The following GRM3 variants were observed in gnomAD, a reference collection of about 807,000 sequenced individuals.
GRM3 encodes metabotropic glutamate receptor 3.
A neutral mutation model predicts 70.5 loss-of-function variants in GRM3; 26 were observed. That is an observed-to-expected ratio of 0.37 (90% CI 0.27 to 0.51). The LOEUF (loss-of-function observed/expected upper bound fraction) is 0.51. GRM3 is among the 20% of genes least tolerant of loss of function. The pLI, the probability that GRM3 is intolerant of heterozygous loss-of-function variation, is 0.93. For synonymous variants in GRM3, 443 were observed against 434.9 expected, an observed-to-expected ratio of 1.02 and a Z score of -0.23; for missense variants, 859 against 1,123.8, an observed-to-expected ratio of 0.76 and a Z score of 3.37.
chr7:86,842,942 A>C (rs937492121), intron 4 of GRM3, among the ~76,000 whole-genome samples: 1 of 152,148 alleles, frequency 6.6e-6, no homozygotes, highest in Non-Finnish European at 1.5e-5. Flanking sequence ...CAACTAAGGT[A>C]TTTAGAGAAT....
chr7:86,680,904 C>T (rs1447359073), intron 1 of GRM3, among the ~76,000 whole-genome samples: 1 of 152,102 alleles, frequency 6.6e-6, no homozygotes, highest in Non-Finnish European at 1.5e-5. Context: ...TGTACCATTC[C>T]CCTTGGCAGC....
chr7:86,847,598 G>A (rs1345315575), intron 4 of GRM3, among the ~76,000 whole-genome samples: 1 of 151,974 alleles, frequency 6.6e-6, no homozygotes, highest in East Asian at 1.9e-4. Context: ...CTAAGCTCTG[G>A]GGAACTCCAG....
rs191207399 is a variant in GRM3 at position 86,736,720 on chromosome 7, C to T, written c.-140-28286C>T. Among the ~76,000 whole-genome samples, 254 of 152,200 alleles carry T rather than the reference C, an allele frequency of 1.7e-3. 2 individuals are homozygous for T. Among genetic ancestry groups the T allele is most frequent in the African/African-American group, 5.3e-3 (222 of 41,536 alleles). ...GGGAAGGTTTACATGAGACATATTC[C>T]GCTCATATCCCACTGGTAGAATCAG... is the stretch of plus-strand genomic sequence containing the variant. On this transcript the variant is annotated intron_variant, in intron 1 of 5. Coordinates refer to ENST00000361669, the MANE Select transcript of GRM3 (RefSeq NM_000840.3).
chr7:86,689,036 T>G, intron 1 of GRM3, among the ~76,000 whole-genome samples: 1 of 149,960 alleles, frequency 6.7e-6, no homozygotes, highest in South Asian at 2.1e-4. Context: ...AGGAAATAAT[T>G]CTGAGTCATT....
intron 1 of GRM3, among the ~76,000 whole-genome samples, chr7:86,688,814 T>C (rs1198413822): frequency 2.1e-5 from 3 of 145,640 alleles, no homozygotes; most frequent in Non-Finnish European, 4.5e-5. Flanking sequence ...CTCACACATA[T>C]GATATATATA....
At chr7:86,738,407 G>A (rs1584204395) in intron 1 of GRM3, among the ~76,000 whole-genome samples, 1 of 152,276 alleles carries the variant, frequency 6.6e-6, no homozygotes, top group African/African-American at 2.4e-5. Flanking sequence ...TGGAGGATGT[G>A]AGATACAAAG....
intron 1 of GRM3, among the ~76,000 whole-genome samples, chr7:86,714,428 T>A (rs558982057): frequency 4.2e-3 from 643 of 151,964 alleles, no homozygotes; most frequent in Non-Finnish European, 6.9e-3. Flanking sequence ...TTGTCCACAA[T>A]GAGAAAAATG....
At chr7:86,768,044 A>G (rs1015701927) in intron 2 of GRM3, among the ~76,000 whole-genome samples, 1 of 152,130 alleles carries the variant, frequency 6.6e-6, no homozygotes, top group Non-Finnish European at 1.5e-5. Context: ...TAAATAAAAG[A>G]CCCAAAACTA....
chr7:86,800,659 C>T (rs1797660471), intron 3 of GRM3, among the ~76,000 whole-genome samples: 1 of 152,134 alleles, frequency 6.6e-6, no homozygotes, highest in South Asian at 2.1e-4. Context: ...AGCCTACCCA[C>T]TAAAGAAAGA....
At chr7:86,675,565 A>T (rs1476209370) in intron 1 of GRM3, among the ~76,000 whole-genome samples, 1 of 152,050 alleles carries the variant, frequency 6.6e-6, no homozygotes, top group Non-Finnish European at 1.5e-5. Context: ...TGGACTTAAC[A>T]TGTTCTTGGA....
intron 1 of GRM3, among the ~76,000 whole-genome samples, chr7:86,725,096 G>T (rs1795561163): frequency 6.6e-6 from 1 of 152,082 alleles, no homozygotes; most frequent in African/African-American, 2.4e-5. Flanking sequence ...CCAAGACCTT[G>T]ATTTGAATCC....
intron 1 of GRM3, among the ~76,000 whole-genome samples, chr7:86,666,154 A>G (rs1243620881): frequency 1.3e-5 from 2 of 152,040 alleles, no homozygotes; most frequent in African/African-American, 4.8e-5. Context: ...TTTAAGCTTC[A>G]CTTAATAAGC....
intron 4 of GRM3, among the ~76,000 whole-genome samples, chr7:86,843,268 C>T (rs6955452): frequency 6.6e-6 from 1 of 151,996 alleles, no homozygotes; most frequent in Non-Finnish European, 1.5e-5. Flanking sequence ...GTAAACAGAG[C>T]ATAATGACCT....
chr7:86,841,294 T>C lies in GRM3; in HGVS notation c.2391+1389T>C, dbSNP rs563767411. ...GAAACCTATGGGCTACATTAAGGGA[T>C]GAACAATAAAGATGAAGAAGGTAAG... On this transcript the variant is annotated intron_variant, in intron 4 of 5. Transcript: ENST00000361669. Among the ~76,000 whole-genome samples, 145 of 152,262 alleles carry C rather than the reference T, an allele frequency of 9.5e-4. 3 individuals are homozygous for C. In the South Asian group the frequency reaches 0.028, roughly 30 times the overall value.
At chr7:86,780,647 A>C (rs775373961) in intron 2 of GRM3, among the ~76,000 whole-genome samples, 2 of 152,200 alleles carry the variant, frequency 1.3e-5, no homozygotes, top group Non-Finnish European at 2.9e-5. Flanking sequence ...CTATAAGGCC[A>C]TTGTGTTTCT....
At chr7:86,706,598 T>C (rs189637419) in intron 1 of GRM3, among the ~76,000 whole-genome samples, 2 of 151,974 alleles carry the variant, frequency 1.3e-5, no homozygotes, top group East Asian at 3.9e-4. Context: ...AATGGAAATG[T>C]AGAGTCAAAG....
chr7:86,733,978 T>C (rs1295650829), intron 1 of GRM3, among the ~76,000 whole-genome samples: 4 of 152,236 alleles, frequency 2.6e-5, no homozygotes, highest in Non-Finnish European at 4.4e-5. Flanking sequence ...CGCTGAGTCA[T>C]GCTGAACCAG....
At position 86,741,318 on chromosome 7, in the gene GRM3, A is replaced by G. The variant is rs972877586; in HGVS notation, c.-140-23688A>G. Among the ~76,000 whole-genome samples the G allele has an allele frequency of 2.6e-5, 4 of 152,266 alleles. No homozygotes were observed. The South Asian group carries it at 8.3e-4, about 32-fold the overall frequency. The stretch of plus-strand genomic sequence containing the variant: ...ACAGGAAAACCACAACTGCTTCTAA[A>G]AAACATTCAGTTTATATAGCACTTT... On this transcript the variant is annotated intron_variant, in intron 1 of 5. Coordinates refer to ENST00000361669, the MANE Select transcript of GRM3 (RefSeq NM_000840.3).
rs371609030 is a variant in GRM3 at position 86,655,820 on chromosome 7, CTG to C, written c.-141+10979_-141+10980del. Among the ~76,000 whole-genome samples, 210 of 144,310 alleles carry C rather than the reference CTG, an allele frequency of 1.5e-3. 1 individual carries two copies. Among genetic ancestry groups the C allele is most frequent in the Middle Eastern group, 3.5e-3 (1 of 288 alleles). 94.7% of individuals were successfully genotyped at this position (144,310 alleles called of 152,430 possible). A position where few individuals can be genotyped will look rare whatever the true frequency, so the allele number is the denominator to read the frequency against. ...GACCCCAAGATTTTTAAGGCTAACT[CTG>C]TGTGTGTGTGTGTGTGTGTGTGTGT... On this transcript the variant is annotated intron_variant, in intron 1 of 5. Transcript: ENST00000361669.
Sources: gnomAD v4.1 joint callset for allele counts (sites outside exome capture counted in the v4.1 genomes callset) on GRCh38, gnomAD v4.1.1 for gene constraint, MANE v1.5 for transcripts, NCBI Gene and HGNC (gene_info 2026-07-23, HGNC 2026-07-21) for gene names.